NXPH1: variants seen among roughly 807,000 people sequenced by gnomAD.
NXPH1 encodes the protein neurexophilin-1.
In NXPH1, 5 loss-of-function variants were observed where a neutral mutation model predicts 23.7. That is an observed-to-expected ratio of 0.21 (90% confidence interval 0.11 to 0.44). NXPH1 has a LOEUF of 0.44. Among genes scored for constraint, NXPH1 ranks in the 20% least tolerant of loss-of-function variants. The pLI, the probability that NXPH1 is intolerant of heterozygous loss-of-function variation, is 0.99. For missense variants in NXPH1, 324 were observed against 321.6 expected, an observed-to-expected ratio of 1.01 and a Z score of -0.06; for synonymous variants, 144 against 122.2, an observed-to-expected ratio of 1.18 and a Z score of -1.18.
chr7:8,725,625 C>A (rs1156654921), intron 2 of NXPH1, among the ~76,000 whole-genome samples: 2 of 152,182 alleles, frequency 1.3e-5, no homozygotes, highest in East Asian at 3.9e-4. Context: ...TGAAGGAATT[C>A]AAACTCCAGC....
intron 2 of NXPH1, among the ~76,000 whole-genome samples, chr7:8,560,368 C>G (rs940049974): frequency 1.3e-5 from 2 of 151,670 alleles, no homozygotes; most frequent in Non-Finnish European, 3.0e-5. Flanking sequence ...AAAGAACACA[C>G]TCTAATTCTA....
chr7:8,626,524 A>G (rs966136561), intron 2 of NXPH1, among the ~76,000 whole-genome samples: 1 of 150,690 alleles, frequency 6.6e-6, no homozygotes, highest in Admixed American at 6.6e-5. Context: ...TTGAATTTTC[A>G]TTTTTTTTCT....
chr7:8,686,060 C>T (rs6973424), intron 2 of NXPH1, among the ~76,000 whole-genome samples: 45,015 of 151,868 alleles, frequency 0.3, 6,976 homozygotes, highest in East Asian at 0.43. Flanking sequence ...TATATACCCA[C>T]AAAAATTAAT....
chr7:8,538,747 AT>A (rs1818066434), intron 2 of NXPH1, among the ~76,000 whole-genome samples: 1 of 151,924 alleles, frequency 6.6e-6, no homozygotes, highest in African/African-American at 2.4e-5. Flanking sequence ...TGGCAGAAAA[AT>A]ATATCAATTC....
chr7:8,715,234 C>T (rs916299256), intron 2 of NXPH1, among the ~76,000 whole-genome samples: 1 of 152,134 alleles, frequency 6.6e-6, no homozygotes, highest in Non-Finnish European at 1.5e-5. Flanking sequence ...CAAAGTTCCA[C>T]AATCACTACA....
At chr7:8,486,055 T>A (rs887737979) in intron 2 of NXPH1, among the ~76,000 whole-genome samples, 3 of 152,176 alleles carry the variant, frequency 2.0e-5, no homozygotes, top group Non-Finnish European at 4.4e-5. Context: ...TTAAAACATA[T>A]GATGGGATTT....
At position 8,751,908 on chromosome 7, in the gene NXPH1, T is replaced by A; in HGVS notation, c.*139T>A. On this transcript the variant is annotated 3_prime_UTR_variant, in exon 3 of 3. Transcript: ENST00000405863. This position sits in a 1 kb window ranked among gnomAD's most constrained non-coding sequence, Gnocchi z 4.5. Reference sequence around the variant, plus strand: ...CTTGTCAACTGGCTGCAAAATACACTAGTGGAAAACACTCTGATGTAATTT... The same window carrying A: ...CTTGTCAACTGGCTGCAAAATACACAAGTGGAAAACACTCTGATGTAATTT... The A allele has an allele frequency of 1.3e-6, 1 of 743,262 alleles. No homozygotes were observed. Among genetic ancestry groups the A allele is most frequent in the Non-Finnish European group, 2.1e-6 (1 of 471,966 alleles). 46.0% of individuals were successfully genotyped at this position (743,262 alleles called of 1,614,324 possible). A position where few individuals can be genotyped will look rare whatever the true frequency, so the allele number is the denominator to read the frequency against.
chr7:8,518,541 G>T (rs1817722835), intron 2 of NXPH1, among the ~76,000 whole-genome samples: 1 of 152,074 alleles, frequency 6.6e-6, no homozygotes. Context: ...ATGCAGGCTG[G>T]GTTGGAGTGA....
At chr7:8,522,099 A>T (rs7787432) in intron 2 of NXPH1, among the ~76,000 whole-genome samples, 53,518 of 152,080 alleles carry the variant, frequency 0.35, 9,777 homozygotes, top group African/African-American at 0.42. Context: ...CTTAAGAGGC[A>T]TTGTTTCAAA....
At chr7:8,501,218 G>A (rs1817425890) in intron 2 of NXPH1, among the ~76,000 whole-genome samples, 1 of 152,038 alleles carries the variant, frequency 6.6e-6, no homozygotes, top group Non-Finnish European at 1.5e-5. Context: ...GTGGCTATCA[G>A]TTCTCACCAA....
intron 2 of NXPH1, among the ~76,000 whole-genome samples, chr7:8,498,649 A>G (rs1449625218): frequency 2.6e-5 from 4 of 152,064 alleles, no homozygotes; most frequent in Admixed American, 6.6e-5. Context: ...TTGGGAAATT[A>G]TAGCATGATG....
intron 2 of NXPH1, among the ~76,000 whole-genome samples, chr7:8,492,441 CAA>C (rs1817263413): frequency 6.6e-6 from 1 of 151,918 alleles, no homozygotes; most frequent in Admixed American, 6.6e-5. Flanking sequence ...AAAATAGAAA[CAA>C]TAATCCATTT....
chr7:8,711,554 A>T (rs1356327483), intron 2 of NXPH1, among the ~76,000 whole-genome samples: 3 of 152,224 alleles, frequency 2.0e-5, no homozygotes, highest in Non-Finnish European at 4.4e-5. Flanking sequence ...AATGGTGTCA[A>T]CATGGGCTGG....
At chr7:8,445,024 T>C (rs1426093244) in intron 2 of NXPH1, among the ~76,000 whole-genome samples, 1 of 152,190 alleles carries the variant, frequency 6.6e-6, no homozygotes, top group Non-Finnish European at 1.5e-5. Context: ...TAGGGCATGA[T>C]TTCCTCCCAC....
chr7:8,513,800 T>C (rs550904725), intron 2 of NXPH1, among the ~76,000 whole-genome samples: 61 of 152,222 alleles, frequency 4.0e-4, no homozygotes, highest in African/African-American at 1.4e-3. Flanking sequence ...TCTTGCTCCA[T>C]GTATTCGTTT....
intron 2 of NXPH1, among the ~76,000 whole-genome samples, chr7:8,538,225 A>C (rs1818059261): frequency 6.6e-6 from 1 of 151,908 alleles, no homozygotes; most frequent in South Asian, 2.1e-4. Flanking sequence ...TTGCCCCCAA[A>C]TATCTGGCTG....
intron 2 of NXPH1, among the ~76,000 whole-genome samples, chr7:8,504,503 T>G (rs1817490021): frequency 6.6e-6 from 1 of 152,024 alleles, no homozygotes; most frequent in Admixed American, 6.6e-5. Flanking sequence ...TAAAGCAGCA[T>G]CATCACAGAA....
intron 2 of NXPH1, among the ~76,000 whole-genome samples, chr7:8,447,836 G>T (rs1439452938): frequency 6.6e-6 from 1 of 152,194 alleles, no homozygotes; most frequent in Non-Finnish European, 1.5e-5. Flanking sequence ...GTGGTTAAAA[G>T]TGTGAGAGGC....
At chr7:8,659,965 C>T (rs1403650865) in intron 2 of NXPH1, among the ~76,000 whole-genome samples, 12 of 152,196 alleles carry the variant, frequency 7.9e-5, no homozygotes, top group South Asian at 4.2e-4. Flanking sequence ...TACAGAGAGA[C>T]GTGCTGGGAT....
Sources: allele counts gnomAD v4.1 joint callset (sites outside exome capture counted in the v4.1 genomes callset), GRCh38; gene constraint gnomAD v4.1.1; non-coding constraint Gnocchi (gnomAD v3.1); transcripts MANE v1.5; gene names NCBI Gene and HGNC (gene_info 2026-07-23, HGNC 2026-07-21).